The following NRXN1 variants were observed in gnomAD, a reference collection of about 807,000 sequenced individuals.
NRXN1 encodes neurexin-1.
In NRXN1, 39 loss-of-function variants were observed where a neutral mutation model predicts 150.9. That is an observed-to-expected ratio of 0.26 (90% confidence interval 0.20 to 0.34). The LOEUF (loss-of-function observed/expected upper bound fraction) is 0.34. Among genes scored for constraint, NRXN1 ranks in the 10% least tolerant of loss-of-function variants. The pLI is 1.00. For missense variants in NRXN1, 1,815 were observed against 1,949.9 expected (o/e 0.93, Z 1.30); for synonymous variants, 924 against 757.0 (o/e 1.22, Z -3.62).
At chr2:50,972,069 G>A (rs1005300679) in intron 2 of NRXN1, among the ~76,000 whole-genome samples, 2 of 139,118 alleles carry the variant, frequency 1.4e-5, no homozygotes, top group Non-Finnish European at 3.1e-5. Context: ...CTAAATCTCT[G>A]ATAATTTATT....
chr2:50,383,938 G>A (rs1829534), intron 17 of NRXN1, among the ~76,000 whole-genome samples: 77,699 of 151,956 alleles, frequency 0.51, 20,710 homozygotes, highest in East Asian at 0.8. Context: ...TGAAAAGCCA[G>A]TTCAACTTAC....
chr2:50,148,031 T>C (rs1384279155), intron 18 of NRXN1, among the ~76,000 whole-genome samples: 2 of 151,792 alleles, frequency 1.3e-5, no homozygotes, highest in African/African-American at 4.8e-5. Context: ...AGTCTTATGA[T>C]TGGGAGAATG....
At chr2:50,230,693 T>A (rs2064857402) in intron 18 of NRXN1, among the ~76,000 whole-genome samples, 1 of 151,958 alleles carries the variant, frequency 6.6e-6, no homozygotes, top group African/African-American at 2.4e-5. Flanking sequence ...ACTCTAGAAT[T>A]CTAGAAACCA....
At position 50,019,641 on chromosome 2, in the gene NRXN1, C is replaced by CAAAAAAAAAAAAAAAAAAA. The variant is rs764073226; in HGVS notation, c.4128+33611_4128+33629dup. ...TGTAAGAAGGAGCAAGATTCCGTCT[C>CAAAAAAAAAAAAAAAAAAA]AAAAAAAAAAAAAAAAAAAAGGAGG... is the stretch of plus-strand genomic sequence containing the variant. On this transcript the variant is annotated intron_variant, in intron 21 of 22. Coordinates refer to ENST00000401669, the MANE Select transcript of NRXN1 (RefSeq NM_001330078.2). Among the ~76,000 whole-genome samples, 30 of 25,552 alleles carry CAAAAAAAAAAAAAAAAAAA rather than the reference C, an allele frequency of 1.2e-3. 3 individuals carry two copies. The highest frequency in any genetic ancestry group is 4.9e-3 in the African/African-American group (25 of 5,102). The allele number at this position is 25,552 out of a possible 152,430, so 16.8% of individuals were successfully genotyped here. A position where few individuals can be genotyped will look rare whatever the true frequency, so the allele number is the denominator to read the frequency against.
In NRXN1 at chr2:50,623,228, A is replaced by G. The variant is rs185322038; in HGVS notation, c.1134+86T>C. On this transcript the variant is annotated intron_variant, in intron 6 of 22. Transcript: ENST00000401669. ...TGCAAGTGACTCTGAGGAGCCCTGT[A>G]TCATGTTGTTAGAGTATTTAAGTAC... 1.4e-3 allele frequency: 1,465 copies of G among 1,054,522 alleles called. 3 individuals carry two copies. Among genetic ancestry groups the G allele is most frequent in the Non-Finnish European group, 1.4e-3 (991 of 719,676 alleles). 65.3% of individuals were successfully genotyped at this position (1,054,522 alleles called of 1,614,324 possible).
intron 18 of NRXN1, among the ~76,000 whole-genome samples, chr2:50,141,794 A>G (rs904168797): frequency 1.3e-5 from 2 of 152,108 alleles, no homozygotes; most frequent in Admixed American, 1.3e-4. Flanking sequence ...ACCATCTAAA[A>G]GACAAAACAG....
At chr2:50,892,433 T>A (rs1363661838) in intron 5 of NRXN1, among the ~76,000 whole-genome samples, 1 of 152,132 alleles carries the variant, frequency 6.6e-6, no homozygotes, top group Non-Finnish European at 1.5e-5. Context: ...CACAATTCAT[T>A]AAGCCCTCCC....
At chr2:50,741,204 C>A (rs986377500) in intron 5 of NRXN1, among the ~76,000 whole-genome samples, 1 of 152,142 alleles carries the variant, frequency 6.6e-6, no homozygotes. Context: ...AAAACAGAGT[C>A]TGGACTTAAA....
chr2:50,922,023 G>A (rs1355352729), intron 4 of NRXN1, 143 bp from the exon 5 acceptor site: 11 of 448,972 alleles, frequency 2.5e-5, no homozygotes, highest in Non-Finnish European at 4.0e-6. Context: ...GTATAAACAA[G>A]GTTTTGAAGA....
intron 17 of NRXN1, among the ~76,000 whole-genome samples, chr2:50,371,779 T>C (rs954828108): frequency 4.7e-5 from 7 of 147,564 alleles, no homozygotes; most frequent in Non-Finnish European, 9.0e-5. Flanking sequence ...TTATAAGATA[T>C]TTTTATATTT....
rs113038571 is a variant in NRXN1 at position 50,899,815 on chromosome 2, C to A, written c.832+22054G>T. 6.8e-3 allele frequency among the ~76,000 whole-genome samples: 1,032 copies of A among 152,212 alleles called. 16 individuals carry two copies. The highest frequency in any genetic ancestry group is 0.022 in the African/African-American group (908 of 41,536). On this transcript the variant is annotated intron_variant, in intron 5 of 22. Transcript: ENST00000401669. ...ATATCTGGCAGAATTATGTCAAATA[C>A]ATGAACTGCAGTTTAAGAAGCATAA... is the stretch of plus-strand genomic sequence containing the variant.
chr2:50,992,718 T>G (rs1698720154), intron 2 of NRXN1, among the ~76,000 whole-genome samples: 1 of 151,990 alleles, frequency 6.6e-6, no homozygotes, highest in Admixed American at 6.6e-5. Context: ...TAGGAGCAAC[T>G]CCGTTTGTTT....
In NRXN1 at chr2:50,347,077, A is replaced by C; in HGVS notation, c.3365-110107T>G. The C allele has an allele frequency of 7.2e-7, 1 of 1,383,178 alleles. No homozygotes were observed. Among genetic ancestry groups the C allele is most frequent in the Non-Finnish European group, 9.5e-7 (1 of 1,053,294 alleles). 85.7% of individuals were successfully genotyped at this position (1,383,178 alleles called of 1,614,324 possible). A position where few individuals can be genotyped will look rare whatever the true frequency, so the allele number is the denominator to read the frequency against. On this transcript the variant is annotated intron_variant, in intron 17 of 22. Coordinates refer to ENST00000401669, the MANE Select transcript of NRXN1 (RefSeq NM_001330078.2). This position sits in a 1 kb window ranked among gnomAD's most constrained non-coding sequence, Gnocchi z 4.9. ...GCCGGCCGCCTCACCGCGCCAGGGCACCCATCCTCTCCCTCCTTCGGACAG... is the reference window on the plus strand; with the variant it reads ...GCCGGCCGCCTCACCGCGCCAGGGCCCCCATCCTCTCCCTCCTTCGGACAG...
chr2:49,995,307 T>G (rs1440545134), intron 21 of NRXN1, among the ~76,000 whole-genome samples: 6 of 152,252 alleles, frequency 3.9e-5, no homozygotes, highest in African/African-American at 1.2e-4. Flanking sequence ...TTTTAAAAAC[T>G]GAATTTCTAC....
chr2:51,025,811 T>C (rs1486941538), intron 2 of NRXN1, among the ~76,000 whole-genome samples: 1 of 152,170 alleles, frequency 6.6e-6, no homozygotes, highest in East Asian at 1.9e-4. Flanking sequence ...TAAAGCCTGC[T>C]CTCATAACCA....
At chr2:50,887,380 T>C (rs1680411042) in intron 5 of NRXN1, among the ~76,000 whole-genome samples, 1 of 151,446 alleles carries the variant, frequency 6.6e-6, no homozygotes, top group African/African-American at 2.4e-5. Flanking sequence ...TACTGTTTCA[T>C]TGAGAAAGCT....
At chr2:50,512,337 T>C (rs552189598) in intron 12 of NRXN1, among the ~76,000 whole-genome samples, 60 of 152,318 alleles carry the variant, frequency 3.9e-4, no homozygotes, top group Non-Finnish European at 5.3e-4. Flanking sequence ...ACAATATTAA[T>C]ACGTGCTAGA....
chr2:50,866,780 A>G (rs1277595571), intron 5 of NRXN1, among the ~76,000 whole-genome samples: 1 of 151,808 alleles, frequency 6.6e-6, no homozygotes, highest in Non-Finnish European at 1.5e-5. Context: ...AATTCATGCT[A>G]CTCTGGAGAA....
intron 5 of NRXN1, among the ~76,000 whole-genome samples, chr2:50,830,030 A>AAAAAAAG (rs1671193479): frequency 7.4e-6 from 1 of 135,460 alleles, no homozygotes; most frequent in African/African-American, 2.7e-5. Flanking sequence ...AAAAAAAAAA[A>AAAAAAAG]GCTCATTTCT....
Sources: allele counts gnomAD v4.1 joint callset (sites outside exome capture counted in the v4.1 genomes callset), GRCh38; gene constraint gnomAD v4.1.1; non-coding constraint Gnocchi (gnomAD v3.1); transcripts MANE v1.5; gene names NCBI Gene and HGNC (gene_info 2026-07-23, HGNC 2026-07-21).